SCAPER: variants seen among roughly 807,000 people sequenced by gnomAD.
SCAPER encodes S phase cyclin A-associated protein in the endoplasmic reticulum.
A neutral mutation model predicts 182.2 loss-of-function variants in SCAPER; 98 were observed. That is an observed-to-expected ratio of 0.54 (90% confidence interval 0.46 to 0.64). The LOEUF (loss-of-function observed/expected upper bound fraction) is 0.64. SCAPER is among the 30% of genes least tolerant of loss of function. SCAPER has a pLI of 0.00. For synonymous variants in SCAPER, 605 were observed against 564.6 expected (o/e 1.07, Z -1.01); for missense variants, 1,432 against 1,690.0 (o/e 0.85, Z 2.68).
At chr15:76,514,154 C>T (rs1451001373) in intron 23 of SCAPER, among the ~76,000 whole-genome samples, 2 of 152,186 alleles carry the variant, frequency 1.3e-5, no homozygotes, top group East Asian at 1.9e-4. Context: ...TTCTAATTCT[C>T]TGCATTCAGA....
At chr15:76,383,646 T>C (rs2043112098) in intron 27 of SCAPER, among the ~76,000 whole-genome samples, 1 of 152,236 alleles carries the variant, frequency 6.6e-6, no homozygotes. Context: ...ATTGTGCACA[T>C]GAAGCAAGTG....
chr15:76,524,689 G>GTTTTTTTTTTT (rs35944222), intron 23 of SCAPER, among the ~76,000 whole-genome samples: 86 of 50,110 alleles, frequency 1.7e-3, no homozygotes, highest in East Asian at 4.4e-3. Context: ...TTTTTGTTCT[G>GTTTTTTTTTTT]TTTTTTTTTT....
chr15:76,652,059 G>T (rs2055096577), intron 21 of SCAPER, among the ~76,000 whole-genome samples: 1 of 150,182 alleles, frequency 6.7e-6, no homozygotes, highest in African/African-American at 2.5e-5. Flanking sequence ...GGAAGCATTT[G>T]ATAAAATCCA....
chr15:76,461,334 T>A (rs1277976943), intron 25 of SCAPER, among the ~76,000 whole-genome samples: 1 of 151,786 alleles, frequency 6.6e-6, no homozygotes, highest in Non-Finnish European at 1.5e-5. Context: ...ACCCAACTTT[T>A]TTTTTTTTTT....
chr15:76,621,674 C>A lies in SCAPER; in HGVS notation c.2711+90G>T, dbSNP rs2052073120. 7 of 1,044,062 alleles carry A rather than the reference C, an allele frequency of 6.7e-6. No individual in the cohort carries two copies. The East Asian group carries it at 1.6e-4, about 23-fold the overall frequency. The allele number at this position is 1,044,062 out of a possible 1,614,324, so 64.7% of individuals were successfully genotyped here. On this transcript the variant is annotated intron_variant, in intron 22 of 31. Coordinates refer to ENST00000563290, the MANE Select transcript of SCAPER (RefSeq NM_020843.4). ...TGTTCTAGAAATTAGAATCAAAGAACCTTATTACAGACATAACATGATGGT... is the reference window on the plus strand; with the variant it reads ...TGTTCTAGAAATTAGAATCAAAGAAACTTATTACAGACATAACATGATGGT...
At chr15:76,540,493 TGAAAA>T (rs1567397421) in intron 23 of SCAPER, among the ~76,000 whole-genome samples, 1 of 152,094 alleles carries the variant, frequency 6.6e-6, no homozygotes, top group Non-Finnish European at 1.5e-5. Flanking sequence ...TACTGCTTAG[TGAAAA>T]GAAAAAACTA....
At chr15:76,597,461 T>C (rs2049596541) in intron 22 of SCAPER, among the ~76,000 whole-genome samples, 1 of 120,758 alleles carries the variant, frequency 8.3e-6, no homozygotes, top group African/African-American at 2.5e-5. Context: ...TACTTTAAAT[T>C]TCATATGGAA....
intron 2 of SCAPER, among the ~76,000 whole-genome samples, chr15:76,877,204 CT>C (rs1261694851): frequency 1.4e-5 from 2 of 144,458 alleles, no homozygotes; most frequent in Admixed American, 1.4e-4. Context: ...GAGACCCTGT[CT>C]TTAAAAAAAA....
chr15:76,354,068 C>A lies in SCAPER; in HGVS notation c.3928G>T (p.Asp1310Tyr). ...LCQLPFQYFS[D>Y]PRLIKVLFPS... Reference sequence around the variant, plus strand: ...AACAGTACTTTGATCAGCCGTGGGTCACTGAAATACTGGAAGGGCAACTGG... The same window carrying A: ...AACAGTACTTTGATCAGCCGTGGGTAACTGAAATACTGGAAGGGCAACTGG... Residue 1310 changes from aspartate to tyrosine, a missense_variant, in exon 30 of 32, where the codon GAC becomes TAC. Physicochemically the swap from Asp to Tyr is radical, Grantham distance 160. Transcript: ENST00000563290. The surrounding 1 kb of genome is among the most constrained non-coding windows in gnomAD (Gnocchi z 4.4). The A allele has an allele frequency of 1.2e-6, 2 of 1,611,034 alleles. No individual in the cohort carries two copies. Among genetic ancestry groups the A allele is most frequent in the South Asian group, 1.1e-5 (1 of 90,572 alleles).
intron 26 of SCAPER, among the ~76,000 whole-genome samples, chr15:76,433,144 A>G (rs2046973701): frequency 6.6e-6 from 1 of 152,214 alleles, no homozygotes; most frequent in African/African-American, 2.4e-5. Context: ...AAATTCCTTC[A>G]GTTGGAAAGA....
chr15:76,519,956 G>GGACAT (rs1463679185), intron 23 of SCAPER, among the ~76,000 whole-genome samples: 1 of 152,084 alleles, frequency 6.6e-6, no homozygotes, highest in East Asian at 1.9e-4. Flanking sequence ...TGTTCTTGAT[G>GGACAT]GACATATCCT....
intron 30 of SCAPER, among the ~76,000 whole-genome samples, chr15:76,353,512 GTTT>G (rs2040743379): frequency 6.6e-6 from 1 of 151,610 alleles, no homozygotes; most frequent in Non-Finnish European, 1.5e-5. Context: ...AATATAACAG[GTTT>G]TTATTTTATA....
At chr15:76,627,104 C>T (rs2052655861) in intron 21 of SCAPER, among the ~76,000 whole-genome samples, 1 of 152,102 alleles carries the variant, frequency 6.6e-6, no homozygotes, top group Non-Finnish European at 1.5e-5. Flanking sequence ...TTGTACACTG[C>T]ATTTGTTCAT....
At chr15:76,424,472 T>C (rs920299531) in intron 26 of SCAPER, among the ~76,000 whole-genome samples, 3 of 152,212 alleles carry the variant, frequency 2.0e-5, no homozygotes, top group Non-Finnish European at 4.4e-5. Flanking sequence ...ATTTGCTTGG[T>C]AGACTTCCCT....
chr15:76,793,423 G>C (rs1014571224), intron 8 of SCAPER: 2 of 553,368 alleles, frequency 3.6e-6, no homozygotes, highest in African/African-American at 3.9e-5. Context: ...TAGAACACTG[G>C]GACTTTCAGC....
chr15:76,488,702 A>G (rs192375550), intron 24 of SCAPER, among the ~76,000 whole-genome samples: 3 of 111,600 alleles, frequency 2.7e-5, no homozygotes, highest in Admixed American at 9.3e-5. Context: ...CATCCTGATA[A>G]CAGTACACTG....
intron 5 of SCAPER, among the ~76,000 whole-genome samples, chr15:76,820,092 G>A (rs535058372): frequency 3.3e-4 from 50 of 152,234 alleles, no homozygotes; most frequent in African/African-American, 1.1e-3. Flanking sequence ...GGAAACAACA[G>A]GTGCTGGAGA....
intron 23 of SCAPER, among the ~76,000 whole-genome samples, chr15:76,535,655 T>G (rs2044093744): frequency 6.7e-6 from 1 of 150,122 alleles, no homozygotes; most frequent in African/African-American, 2.4e-5. Context: ...CATACAGGTA[T>G]TGCTGGCCTA....
At chr15:76,690,132 C>T (rs1221726274) in intron 20 of SCAPER, among the ~76,000 whole-genome samples, 1 of 151,920 alleles carries the variant, frequency 6.6e-6, no homozygotes, top group Non-Finnish European at 1.5e-5. Context: ...AGAAACATTG[C>T]AAACACTACT....
Sources: allele counts gnomAD v4.1 joint callset (sites outside exome capture counted in the v4.1 genomes callset), GRCh38; gene constraint gnomAD v4.1.1; non-coding constraint Gnocchi (gnomAD v3.1); transcripts MANE v1.5; gene names NCBI Gene and HGNC (gene_info 2026-07-23, HGNC 2026-07-21).